The following HECTD2 variants were observed in gnomAD, a reference collection of about 807,000 sequenced individuals.
HECTD2 encodes the protein probable E3 ubiquitin-protein ligase HECTD2.
Under a neutral mutation model 103.2 loss-of-function variants are expected in HECTD2, and 35 were observed. The observed-to-expected ratio is 0.34, with a 90% CI of 0.26 to 0.45. HECTD2 has a LOEUF of 0.45. Among genes scored for constraint, HECTD2 ranks in the 20% least tolerant of loss-of-function variants. The probability of loss-of-function intolerance (pLI) is 1.00; values close to 1 mark genes in which losing one functional copy is unlikely to be tolerated. For synonymous variants in HECTD2, 281 were observed against 329.9 expected, an observed-to-expected ratio of 0.85 and a Z score of 1.61; for missense variants, 596 against 937.4, an observed-to-expected ratio of 0.64 and a Z score of 4.76.
chr10:91,443,623 T>G (rs1844460758), intron 2 of HECTD2, among the ~76,000 whole-genome samples: 1 of 151,748 alleles, frequency 6.6e-6, no homozygotes, highest in South Asian at 2.1e-4. Context: ...TGGGAGATCC[T>G]CCTGCTCTCT....
intron 11 of HECTD2, chr10:91,488,270 G>C (rs1324375558): frequency 6.5e-6 from 1 of 152,972 alleles, no homozygotes; most frequent in East Asian, 1.9e-4. Context: ...ATGTTTTATT[G>C]GTTCTTAGGA....
At chr10:91,418,721 C>G (rs1158696429) in intron 1 of HECTD2, among the ~76,000 whole-genome samples, 1 of 152,032 alleles carries the variant, frequency 6.6e-6, no homozygotes, top group Non-Finnish European at 1.5e-5. Context: ...AGGATCAAGG[C>G]CTAAAATAGT....
intron 20 of HECTD2, among the ~76,000 whole-genome samples, chr10:91,503,655 G>A (rs1042213456): frequency 7.9e-5 from 12 of 152,254 alleles, no homozygotes; most frequent in East Asian, 5.8e-4. Context: ...GATGGCTAGC[G>A]CAGCAGTCTG....
In HECTD2 at chr10:91,420,748, T is replaced by C. The variant is rs1843326518; in HGVS notation, c.139-4533T>C. 2.0e-5 allele frequency among the ~76,000 whole-genome samples: 3 copies of C among 152,268 alleles called. No homozygotes were observed. The South Asian group carries it at 6.2e-4, about 32-fold the overall frequency. Reference sequence around the variant, plus strand: ...CTGCTATTCTCTTTTAGCTAGTCAGTCTTTTCTATATTCCCCTGTCTAAAA... The same window carrying C: ...CTGCTATTCTCTTTTAGCTAGTCAGCCTTTTCTATATTCCCCTGTCTAAAA... On this transcript the variant is annotated intron_variant, in intron 1 of 20. Coordinates refer to ENST00000298068, the MANE Select transcript of HECTD2 (RefSeq NM_182765.6).
intron 5 of HECTD2, among the ~76,000 whole-genome samples, chr10:91,470,062 T>C (rs986764418): frequency 1.3e-5 from 2 of 152,226 alleles, no homozygotes; most frequent in East Asian, 3.9e-4. Context: ...AGCACCTGGA[T>C]TTATAAAGGA....
In HECTD2 at chr10:91,514,659, T is replaced by C. The variant is rs527450062; in HGVS notation, c.*2275T>C. 1 of 152,762 alleles carries C rather than the reference T, an allele frequency of 6.5e-6. No individual in the cohort carries two copies. Among genetic ancestry groups the C allele is most frequent in the African/African-American group, 2.4e-5 (1 of 41,592 alleles). The allele number at this position is 152,762 out of a possible 1,614,324, so 9.5% of individuals were successfully genotyped here. A position where few individuals can be genotyped will look rare whatever the true frequency, so the allele number is the denominator to read the frequency against. On this transcript the variant is annotated 3_prime_UTR_variant, in exon 21 of 21. Coordinates refer to ENST00000298068, the MANE Select transcript of HECTD2 (RefSeq NM_182765.6). The stretch of plus-strand genomic sequence containing the variant: ...CTTTGCTTAGTCAGTCATATTTTTG[T>C]CTGTATGATTAGAAGTTTTTACGTC...
chr10:91,464,247 C>A (rs1054321450), intron 5 of HECTD2, among the ~76,000 whole-genome samples: 1 of 152,132 alleles, frequency 6.6e-6, no homozygotes, highest in Non-Finnish European at 1.5e-5. Context: ...TACTGAACAA[C>A]CTATTGGGGA....
intron 4 of HECTD2, among the ~76,000 whole-genome samples, chr10:91,461,682 G>A (rs1170021113): frequency 6.6e-6 from 1 of 151,970 alleles, no homozygotes; most frequent in Non-Finnish European, 1.5e-5. Context: ...CTGAGTAGCT[G>A]GGATTACAGG....
chr10:91,434,196 T>C (rs1844017070), intron 2 of HECTD2, among the ~76,000 whole-genome samples: 1 of 151,952 alleles, frequency 6.6e-6, no homozygotes, highest in Admixed American at 6.6e-5. Context: ...TTCAATTTTA[T>C]TTTTTGCCAA....
intron 8 of HECTD2, chr10:91,484,159 C>T: frequency 1.8e-6 from 1 of 552,282 alleles, no homozygotes; most frequent in South Asian, 2.3e-5. Context: ...TCACATGTCC[C>T]CAAATGACCA....
rs747957594 is a variant in HECTD2 at position 91,512,372 on chromosome 10, T to C, written c.2319T>C (p.Phe773=). 6.2e-7 allele frequency: 1 copy of C among 1,613,414 alleles called. No individual in the cohort carries two copies. The highest frequency in any genetic ancestry group is 2.2e-5 in the East Asian group (1 of 44,870). ...TTGGAATTTCAAATTCAGAAGGTTT[T>C]GGACTTGAGTAACCTAGAAGACTTG... ...LIIGISNSEG[F]GLE Residue 773 remains phenylalanine (F), a synonymous_variant, in exon 21 of 21, where the codon TTT becomes TTC. Coordinates refer to ENST00000298068, the MANE Select transcript of HECTD2 (RefSeq NM_182765.6).
chr10:91,478,270 A>G lies in HECTD2; in HGVS notation c.665+5A>G, dbSNP rs1317532708. On this transcript the variant is annotated splice_donor_5th_base_variant and intron_variant, in intron 6 of 20. Coordinates refer to ENST00000298068, the MANE Select transcript of HECTD2 (RefSeq NM_182765.6). ...CCTGTTACGAGAATGGAAAGGGTAA[A>G]CTAATATTTTCAATATTTAGCTAAT... The G allele has an allele frequency of 1.9e-6, 3 of 1,558,738 alleles. No individual in the cohort carries two copies. Among genetic ancestry groups the G allele is most frequent in the African/African-American group, 2.7e-5 (2 of 73,886 alleles).
At chr10:91,448,893 C>A (rs1009976228) in intron 2 of HECTD2, among the ~76,000 whole-genome samples, 1 of 79,914 alleles carries the variant, frequency 1.3e-5, no homozygotes, top group East Asian at 3.1e-4. Context: ...TAATAGCCTA[C>A]CAACCAAAAA....
At chr10:91,411,024 A>G (rs1439325925) in intron 1 of HECTD2, among the ~76,000 whole-genome samples, 1 of 152,084 alleles carries the variant, frequency 6.6e-6, no homozygotes, top group Non-Finnish European at 1.5e-5. Flanking sequence ...CCCCCTTCAG[A>G]TTAAACAGGC....
intron 1 of HECTD2, among the ~76,000 whole-genome samples, chr10:91,411,423 C>T (rs557447452): frequency 1.4e-4 from 21 of 152,060 alleles, no homozygotes; most frequent in African/African-American, 5.1e-4. Context: ...TGAAAGTTTG[C>T]TTTGATATAT....
intron 2 of HECTD2, among the ~76,000 whole-genome samples, chr10:91,453,267 A>C (rs1180166479): frequency 6.6e-6 from 1 of 152,172 alleles, no homozygotes; most frequent in African/African-American, 2.4e-5. Context: ...CTTTGTCTCC[A>C]TAAAAAATTT....
At chr10:91,500,406 T>A in intron 18 of HECTD2, 96 bp from the exon 19 acceptor site, 26 of 375,428 alleles carry the variant, frequency 6.9e-5, no homozygotes, top group East Asian at 4.2e-4. Context: ...CTATGAGAAA[T>A]CATGACTTTT....
intron 5 of HECTD2, among the ~76,000 whole-genome samples, chr10:91,470,810 A>G (rs1397552024): frequency 1.3e-5 from 2 of 152,078 alleles, no homozygotes; most frequent in Non-Finnish European, 2.9e-5. Context: ...ACCCCAAAAA[A>G]AGCCCAGAAC....
intron 20 of HECTD2, among the ~76,000 whole-genome samples, chr10:91,506,707 T>G (rs1847196225): frequency 6.6e-6 from 1 of 152,014 alleles, no homozygotes; most frequent in Non-Finnish European, 1.5e-5. Flanking sequence ...AAGGAGGAAC[T>G]GGTACCATTC....
Sources: gnomAD v4.1 joint callset for allele counts (sites outside exome capture counted in the v4.1 genomes callset) on GRCh38, gnomAD v4.1.1 for gene constraint, MANE v1.5 for transcripts, NCBI Gene and HGNC (gene_info 2026-07-23, HGNC 2026-07-21) for gene names.